Variants in NELL2 observed in about 807,000 individuals in gnomAD.
The protein encoded by NELL2 is protein kinase C-binding protein NELL2.
In NELL2, 41 loss-of-function variants were observed where a neutral mutation model predicts 109.6. The observed-to-expected ratio is 0.37, with a 90% CI of 0.29 to 0.49. The LOEUF (loss-of-function observed/expected upper bound fraction) is 0.49, where lower values mean the gene tolerates loss of function less well. Ranked by LOEUF, NELL2 falls within the 20% of genes least tolerant of loss-of-function variation. NELL2 has a pLI of 0.98. For missense variants in NELL2, 900 were observed against 1,008.3 expected (o/e 0.89, Z 1.45); for synonymous variants, 355 against 344.7 (o/e 1.03, Z -0.33).
At chr12:44,530,216 C>T (rs558516272) in intron 16 of NELL2, among the ~76,000 whole-genome samples, 29 of 152,130 alleles carry the variant, frequency 1.9e-4, no homozygotes, top group South Asian at 1.0e-3. Context: ...TAGGCGAGTA[C>T]GGGTCGTGGT....
chr12:44,586,293 T>G (rs939962434), intron 15 of NELL2, among the ~76,000 whole-genome samples: 2 of 149,512 alleles, frequency 1.3e-5, no homozygotes, highest in African/African-American at 2.4e-5. Context: ...ATTATATATA[T>G]ATAGATATAT....
chr12:44,919,273 G>A (rs927840295), intron 1 of NELL2, among the ~76,000 whole-genome samples: 2 of 151,808 alleles, frequency 1.3e-5, no homozygotes, highest in African/African-American at 2.4e-5. Flanking sequence ...AAATGCAGTG[G>A]TACAATGAAG....
intron 15 of NELL2, among the ~76,000 whole-genome samples, chr12:44,575,125 C>T (rs544531644): frequency 6.6e-6 from 1 of 152,152 alleles, no homozygotes; most frequent in Non-Finnish European, 1.5e-5. Flanking sequence ...TCACTATTGT[C>T]CTCAGTGTCT....
intron 9 of NELL2, 51 bp downstream of exon 9, chr12:44,774,696 A>G: frequency 1.4e-6 from 2 of 1,419,600 alleles, no homozygotes; most frequent in South Asian, 2.3e-5. Flanking sequence ...ACTTATTAAT[A>G]CAGTGCTTTA....
intron 17 of NELL2, 93 bp downstream of exon 17, chr12:44,523,198 A>G: frequency 2.5e-6 from 3 of 1,193,518 alleles, no homozygotes; most frequent in Middle Eastern, 2.7e-4. Context: ...GTGGATGTAC[A>G]CATTGTCAAA....
At chr12:44,516,916 T>C (rs1941289015) in intron 19 of NELL2, among the ~76,000 whole-genome samples, 1 of 150,840 alleles carries the variant, frequency 6.6e-6, no homozygotes, top group Non-Finnish European at 1.5e-5. Context: ...TTTTTTTTTT[T>C]GCTAATTTTA....
intron 15 of NELL2, among the ~76,000 whole-genome samples, chr12:44,567,142 A>G (rs887359068): frequency 1.3e-5 from 2 of 152,176 alleles, no homozygotes; most frequent in African/African-American, 2.4e-5. Context: ...TAGGAGTTTT[A>G]CACCTTTAGT....
rs1941308142 is a variant in NELL2 at position 44,517,204 on chromosome 12, T to C, written c.2400+2801A>G. On this transcript the variant is annotated intron_variant, in intron 19 of 19. Transcript: ENST00000429094. ...ATTGATCTGCAAAGTCCTGATCATA[T>C]ATTAAAAGCTTTATTATAATATTGC... is the stretch of plus-strand genomic sequence containing the variant. Among the ~76,000 whole-genome samples, 5 of 152,288 alleles carry C rather than the reference T, an allele frequency of 3.3e-5. No individual in the cohort carries two copies. The East Asian group carries it at 7.7e-4, about 24-fold the overall frequency.
intron 9 of NELL2, among the ~76,000 whole-genome samples, chr12:44,745,018 C>A (rs894924549): frequency 6.6e-6 from 1 of 152,158 alleles, no homozygotes; most frequent in African/African-American, 2.4e-5. Flanking sequence ...AATTTTACAC[C>A]AATATCCTTG....
chr12:44,857,350 T>A (rs1944712749), intron 2 of NELL2, among the ~76,000 whole-genome samples: 1 of 152,172 alleles, frequency 6.6e-6, no homozygotes. Context: ...GGACTTTAGA[T>A]TGTAGAAATA....
intron 15 of NELL2, among the ~76,000 whole-genome samples, chr12:44,570,179 T>C (rs2136194374): frequency 6.6e-6 from 1 of 152,302 alleles, no homozygotes; most frequent in East Asian, 1.9e-4. Context: ...GTATGTAATT[T>C]TCCAGGCTCC....
intron 4 of NELL2, 29 bp from the exon 5 acceptor site, chr12:44,779,788 C>A (rs1123078): frequency 0.21 from 344,856 of 1,612,950 alleles, 39,172 homozygotes; most frequent in Admixed American, 0.31. Context: ...AAAGAAGGAA[C>A]GTGAGTAGAC....
chr12:44,843,470 A>T (rs1176389973), intron 2 of NELL2, among the ~76,000 whole-genome samples: 1 of 152,216 alleles, frequency 6.6e-6, no homozygotes, highest in Non-Finnish European at 1.5e-5. Context: ...AAAACTTAGG[A>T]AAACAGTGAG....
At chr12:44,754,667 A>C (rs1042853614) in intron 9 of NELL2, among the ~76,000 whole-genome samples, 1 of 152,192 alleles carries the variant, frequency 6.6e-6, no homozygotes, top group Non-Finnish European at 1.5e-5. Flanking sequence ...AATGACTGCT[A>C]TTTATGGAAG....
chr12:44,859,062 C>T (rs1473067510), intron 2 of NELL2, among the ~76,000 whole-genome samples: 1 of 152,142 alleles, frequency 6.6e-6, no homozygotes, highest in Non-Finnish European at 1.5e-5. Context: ...ATACAATTTT[C>T]CTAGTTTTCT....
intron 10 of NELL2, among the ~76,000 whole-genome samples, chr12:44,711,853 T>C (rs1938220427): frequency 6.6e-6 from 1 of 152,086 alleles, no homozygotes. Context: ...GTAAGAAATA[T>C]TGGATGTCTT....
At chr12:44,791,921 A>G (rs1942450025) in intron 3 of NELL2, among the ~76,000 whole-genome samples, 2 of 151,622 alleles carry the variant, frequency 1.3e-5, no homozygotes, top group Admixed American at 6.6e-5. Flanking sequence ...ACTGAAAGCC[A>G]GGAAAGCATA....
chr12:44,757,445 A>G (rs4768569), intron 9 of NELL2, among the ~76,000 whole-genome samples: 107,456 of 151,968 alleles, frequency 0.71, 38,215 homozygotes, highest in Non-Finnish European at 0.74. Flanking sequence ...ACAACAGCCC[A>G]CATTATCTGG....
chr12:44,768,250 T>G (rs925589452), intron 9 of NELL2, among the ~76,000 whole-genome samples: 18 of 152,218 alleles, frequency 1.2e-4, no homozygotes, highest in African/African-American at 4.1e-4. Context: ...ATTTTTCCAC[T>G]GATTGGACAT....
Sources: allele counts gnomAD v4.1 joint callset (sites outside exome capture counted in the v4.1 genomes callset), GRCh38; gene constraint gnomAD v4.1.1; transcripts MANE v1.5; gene names NCBI Gene and HGNC (gene_info 2026-07-23, HGNC 2026-07-21).